The following TDRD3 variants were observed in gnomAD, a reference collection of about 807,000 sequenced individuals.
The protein encoded by TDRD3 is tudor domain-containing protein 3.
In TDRD3, 45 loss-of-function variants were observed where a neutral mutation model predicts 86.7. The ratio of observed to expected loss-of-function variants is 0.52; its 90% CI spans 0.41 to 0.67. The LOEUF is 0.67. Among genes scored for constraint, TDRD3 ranks in the 30% least tolerant of loss-of-function variants. The probability of loss-of-function intolerance (pLI) is 0.00; values close to 1 mark genes in which losing one functional copy is unlikely to be tolerated. For missense variants in TDRD3, 814 were observed against 889.0 expected, an observed-to-expected ratio of 0.92 and a Z score of 1.07; for synonymous variants, 298 against 301.7, an observed-to-expected ratio of 0.99 and a Z score of 0.13.
chr13:60,567,386 C>A, intron 12 of TDRD3, 139 bp from the exon 13 acceptor site: 1 of 1,030,892 alleles, frequency 9.7e-7, no homozygotes, highest in Non-Finnish European at 1.4e-6. Context: ...CCTTGCCTCC[C>A]TCTGTTGTAA....
intron 11 of TDRD3, among the ~76,000 whole-genome samples, chr13:60,534,650 G>A (rs377030623): frequency 6.6e-6 from 1 of 151,810 alleles, no homozygotes; most frequent in Non-Finnish European, 1.5e-5. Flanking sequence ...TGTTGGCTGG[G>A]CGCAGTGGCT....
At chr13:60,494,793 C>A (rs1019764855) in intron 8 of TDRD3, among the ~76,000 whole-genome samples, 1 of 152,078 alleles carries the variant, frequency 6.6e-6, no homozygotes, top group African/African-American at 2.4e-5. Context: ...TTACTAATGT[C>A]CTAATAATAT....
intron 1 of TDRD3, among the ~76,000 whole-genome samples, chr13:60,418,066 A>G (rs372807308): frequency 1.3e-5 from 2 of 152,234 alleles, no homozygotes; most frequent in South Asian, 4.1e-4. Flanking sequence ...TAATCTTTAG[A>G]TCTTTTGTCA....
chr13:60,572,654 T>C (rs1595139101), intron 13 of TDRD3, among the ~76,000 whole-genome samples: 1 of 152,188 alleles, frequency 6.6e-6, no homozygotes, highest in South Asian at 2.1e-4. Flanking sequence ...TCCAGTTTCT[T>C]CTTTGTTTGA....
At chr13:60,551,232 T>C (rs916346554) in intron 12 of TDRD3, among the ~76,000 whole-genome samples, 2 of 152,194 alleles carry the variant, frequency 1.3e-5, no homozygotes, top group Non-Finnish European at 2.9e-5. Flanking sequence ...TTGGGAAAGA[T>C]ATAGAATATT....
chr13:60,416,871 A>G (rs1275268110), intron 1 of TDRD3, among the ~76,000 whole-genome samples: 3 of 151,526 alleles, frequency 2.0e-5, no homozygotes, highest in Non-Finnish European at 2.9e-5. Flanking sequence ...TGTTCTCTTC[A>G]TTCCTTTCTC....
intron 1 of TDRD3, among the ~76,000 whole-genome samples, chr13:60,408,038 A>G (rs1954274904): frequency 6.6e-6 from 1 of 152,188 alleles, no homozygotes; most frequent in East Asian, 1.9e-4. Flanking sequence ...CCATGTAAGA[A>G]GTGCCTTTCA....
At chr13:60,456,231 T>C (rs1955667176) in intron 3 of TDRD3, among the ~76,000 whole-genome samples, 1 of 152,204 alleles carries the variant, frequency 6.6e-6, no homozygotes, top group South Asian at 2.1e-4. Flanking sequence ...TGGAGTCTGA[T>C]TGATAGACAA....
At chr13:60,402,754 A>G (rs1954136074) in intron 1 of TDRD3, among the ~76,000 whole-genome samples, 1 of 136,554 alleles carries the variant, frequency 7.3e-6, no homozygotes, top group African/African-American at 2.9e-5. Context: ...CTAGAGTGCA[A>G]TGGCGCGATC....
Position 60,510,697 on chromosome 13 carries a change from A to C in TDRD3, c.1083A>C (p.Ser361=), listed in dbSNP as rs1015072806. 6.2e-7 allele frequency: 1 copy of C among 1,603,278 alleles called. No individual in the cohort carries two copies. Among genetic ancestry groups the C allele is most frequent in the Non-Finnish European group, 8.5e-7 (1 of 1,174,934 alleles). Residue 361 remains serine (S), a synonymous_variant, in exon 10 of 14, where the codon TCA becomes TCC. Transcript: ENST00000377881. ...DEEDLGNARP[S]APSTLFDFLE... ...AGGACCTGGGAAATGCAAGGCCATC[A>C]GCACCAAGCACATTATTTGATTTCT...
At chr13:60,396,338 G>C (rs1433270476), upstream of TDRD3, 3 of 152,264 alleles carry the variant, frequency 2.0e-5, no homozygotes, top group Admixed American at 2.0e-4. Flanking sequence ...GCGCCTCTTG[G>C]GCCCGCGTAC....
intron 7 of TDRD3, among the ~76,000 whole-genome samples, chr13:60,486,248 CT>C (rs941866445): frequency 6.6e-6 from 1 of 151,950 alleles, no homozygotes; most frequent in African/African-American, 2.4e-5. Flanking sequence ...ACTTTTTATT[CT>C]GGCAGGGAGT....
intron 8 of TDRD3, among the ~76,000 whole-genome samples, chr13:60,505,458 A>G (rs1426627462): frequency 1.3e-5 from 2 of 152,126 alleles, no homozygotes; most frequent in African/African-American, 2.4e-5. Flanking sequence ...TTATAGATAA[A>G]ACTCCCATGT....
chr13:60,452,196 T>G (rs935714125), intron 3 of TDRD3, among the ~76,000 whole-genome samples: 9 of 152,296 alleles, frequency 5.9e-5, no homozygotes, highest in Admixed American at 3.3e-4. Context: ...ATTTTTCCCA[T>G]AAAGTTTTAT....
chr13:60,471,417 T>A (rs938998296), intron 5 of TDRD3, among the ~76,000 whole-genome samples: 4 of 152,152 alleles, frequency 2.6e-5, no homozygotes, highest in Non-Finnish European at 5.9e-5. Context: ...TATGCCACAC[T>A]GTTTTGATTA....
rs572316010 is a variant in TDRD3, at chr13:60,478,290, A to G, written c.496-5485A>G. 3.9e-3 allele frequency among the ~76,000 whole-genome samples: 501 copies of G among 128,232 alleles called. 6 individuals are homozygous for G. Among genetic ancestry groups the G allele is most frequent in the Middle Eastern group, 8.5e-3 (2 of 236 alleles). The allele number at this position is 128,232 out of a possible 152,430, so 84.1% of individuals were successfully genotyped here. A position where few individuals can be genotyped will look rare whatever the true frequency, so the allele number is the denominator to read the frequency against. Reference sequence around the variant, plus strand: ...TTGTTAATCTAGCTAGCAGTCTACCAATTTTTTTTTTTTTTTTTTTTTTTT... The same window carrying G: ...TTGTTAATCTAGCTAGCAGTCTACCGATTTTTTTTTTTTTTTTTTTTTTTT... On this transcript the variant is annotated intron_variant, in intron 5 of 13. Coordinates refer to ENST00000377881, the MANE Select transcript of TDRD3 (RefSeq NM_001146070.2).
chr13:60,410,788 G>T (rs1411663285), intron 1 of TDRD3, among the ~76,000 whole-genome samples: 1 of 152,176 alleles, frequency 6.6e-6, no homozygotes, highest in Admixed American at 6.5e-5. Context: ...AGAGCTGGAT[G>T]TACGTTTTCC....
In TDRD3 at chr13:60,485,946, G is replaced by C. The variant is rs1686149180; in HGVS notation, c.715G>C (p.Glu239Gln). The C allele has an allele frequency of 6.3e-7, 1 of 1,599,912 alleles. No homozygotes were observed. Among genetic ancestry groups the C allele is most frequent in the Non-Finnish European group, 8.5e-7 (1 of 1,175,054 alleles). ...AAIAEVAKSK[E>Q]TKTFGGGGGG... is the part of the protein sequence containing the mutation. ...TATTGCTGAAGTTGCAAAGAGCAAG[G>C]AAGTAAGAAATCAAATCATTACACG... The change falls in exon 7 of 14, where the codon GAA becomes CAA. Residue 239 changes from glutamate (E) to glutamine (Q), a missense_variant and splice_region_variant. Glu to Gln is a conservative substitution (Grantham distance 29, BLOSUM62 2). Transcript: ENST00000377881.
intron 1 of TDRD3, among the ~76,000 whole-genome samples, chr13:60,434,878 G>A (rs996102637): frequency 5.3e-5 from 8 of 152,138 alleles, no homozygotes. Flanking sequence ...TGGAGTGCCT[G>A]CTCCACTTTT....
Sources: gnomAD v4.1 joint callset for allele counts (sites outside exome capture counted in the v4.1 genomes callset) on GRCh38, gnomAD v4.1.1 for gene constraint, MANE v1.5 for transcripts, NCBI Gene and HGNC (gene_info 2026-07-23, HGNC 2026-07-21) for gene names.